Variants in GNB5 observed in about 807,000 individuals in gnomAD.
GNB5 encodes guanine nucleotide-binding protein subunit beta-5.
A neutral mutation model predicts 55.3 loss-of-function variants in GNB5; 37 were observed. That is an observed-to-expected ratio of 0.67 (90% CI 0.51 to 0.88). GNB5 has a LOEUF of 0.88. Ranked by LOEUF, GNB5 falls within the 40% of genes least tolerant of loss-of-function variation. The pLI is 0.00. For missense variants in GNB5, 476 were observed against 515.3 expected, an observed-to-expected ratio of 0.92 and a Z score of 0.74; for synonymous variants, 219 against 198.5, an observed-to-expected ratio of 1.10 and a Z score of -0.87.
chr15:52,122,406 G>C lies in GNB5; in HGVS notation c.*351C>G, dbSNP rs2033292691. The stretch of plus-strand genomic sequence containing the variant: ...CTTTAAAGTGCTCTGAAAATGAATT[G>C]ATTCAAAGAAATAATATGGAATATA... On this transcript the variant is annotated 3_prime_UTR_variant, in exon 13 of 13. Transcript: ENST00000261837. 4.3e-6 allele frequency: 1 copy of C among 230,678 alleles called. No homozygotes were observed. The highest frequency in any genetic ancestry group is 8.5e-6 in the Non-Finnish European group (1 of 118,198). 14.3% of individuals were successfully genotyped at this position (230,678 alleles called of 1,614,324 possible). A position where few individuals can be genotyped will look rare whatever the true frequency, so the allele number is the denominator to read the frequency against.
chr15:52,190,528 G>C (rs1178442013), intron 1 of GNB5, among the ~76,000 whole-genome samples: 1 of 152,106 alleles, frequency 6.6e-6, no homozygotes, highest in African/African-American at 2.4e-5. Flanking sequence ...AGTCATCATA[G>C]AAATACAAAG....
At chr15:52,137,408 G>A in intron 7 of GNB5, 3 of 1,029,610 alleles carry the variant, frequency 2.9e-6, no homozygotes, top group Non-Finnish European at 3.5e-6. Context: ...AACTCCAGGG[G>A]GGCCTATGTC....
Position 52,149,935 on chromosome 15 carries a change from G to A in GNB5, c.376-10C>T. The A allele has an allele frequency of 1.2e-6, 2 of 1,605,840 alleles. No individual in the cohort carries two copies. The highest frequency in any genetic ancestry group is 1.7e-6 in the Non-Finnish European group (2 of 1,172,464). Reference sequence around the variant, plus strand: ...CGATCACCTTCCCATCCTGGAGGGAGAAGAGCAAACAGTTTAGGGGTTGTC... The same window carrying A: ...CGATCACCTTCCCATCCTGGAGGGAAAAGAGCAAACAGTTTAGGGGTTGTC... On this transcript the variant is annotated splice_polypyrimidine_tract_variant and intron_variant, in intron 4 of 12. Transcript: ENST00000261837.
chr15:52,144,831 A>G (rs558483683), intron 6 of GNB5, among the ~76,000 whole-genome samples: 1 of 152,268 alleles, frequency 6.6e-6, no homozygotes, highest in South Asian at 2.1e-4. Context: ...ATGTATTACC[A>G]TACACCGTGG....
At chr15:52,159,387 C>G (rs1445855868) in intron 3 of GNB5, among the ~76,000 whole-genome samples, 1 of 152,172 alleles carries the variant, frequency 6.6e-6, no homozygotes, top group Non-Finnish European at 1.5e-5. Flanking sequence ...GCGGACACAC[C>G]ATCTGCCGCA....
At chr15:52,144,373 C>T (rs184723071) in intron 6 of GNB5, 1 of 152,338 alleles carries the variant, frequency 6.6e-6, no homozygotes, top group African/African-American at 2.4e-5. Context: ...TGGATATTGA[C>T]AGATTATGTA....
intron 1 of GNB5, among the ~76,000 whole-genome samples, chr15:52,190,115 A>T (rs2034898996): frequency 1.2e-5 from 1 of 84,516 alleles, no homozygotes; most frequent in African/African-American, 4.0e-5. Flanking sequence ...ATATCTCAAT[A>T]AATTTTTTTT....
In GNB5 at chr15:52,136,113, AACACAC is replaced by A. The variant is rs751263225; in HGVS notation, c.628-363_628-358del. ...CACACACACACAGGGAAAAGCAGAA[AACACAC>A]ACACACACACACACACACACACACA... On this transcript the variant is annotated intron_variant, in intron 7 of 12. Transcript: ENST00000261837. Among the ~76,000 whole-genome samples the A allele has an allele frequency of 8.8e-3, 445 of 50,722 alleles. 4 individuals carry two copies. Among genetic ancestry groups the A allele is most frequent in the Middle Eastern group, 0.017 (1 of 60 alleles). 33.3% of individuals were successfully genotyped at this position (50,722 alleles called of 152,430 possible). A position where few individuals can be genotyped will look rare whatever the true frequency, so the allele number is the denominator to read the frequency against.
chr15:52,143,266 G>A (rs1402022648), intron 6 of GNB5, among the ~76,000 whole-genome samples: 1 of 152,136 alleles, frequency 6.6e-6, no homozygotes, highest in African/African-American at 2.4e-5. Context: ...CCCTGAGCTG[G>A]GATACATCCT....
chr15:52,132,488 G>GT (rs75509196), intron 9 of GNB5, among the ~76,000 whole-genome samples: 6,235 of 134,004 alleles, frequency 0.047, 161 homozygotes, highest in Middle Eastern at 0.067. Context: ...GTTTGTTTGG[G>GT]TTTTTTTTTT....
At chr15:52,126,925 T>C (rs28703712) in intron 10 of GNB5, among the ~76,000 whole-genome samples, 32,215 of 151,972 alleles carry the variant, frequency 0.21, 5,049 homozygotes, top group African/African-American at 0.44. Context: ...GCCTCCTGAG[T>C]AGCTGGGATT....
intron 1 of GNB5, among the ~76,000 whole-genome samples, chr15:52,186,591 A>C (rs1443916986): frequency 1.3e-5 from 2 of 152,052 alleles, no homozygotes; most frequent in Non-Finnish European, 2.9e-5. Context: ...GTTAAGGGGG[A>C]AGGGAGCAGC....
intron 7 of GNB5, among the ~76,000 whole-genome samples, chr15:52,136,165 CACACA>C (rs1229200991): frequency 3.9e-4 from 48 of 123,170 alleles, no homozygotes; most frequent in African/African-American, 1.3e-3. Context: ...CACACACACA[CACACA>C]CACCCTACCT....
intron 3 of GNB5, among the ~76,000 whole-genome samples, chr15:52,170,934 TA>T (rs35962330): frequency 4.8e-5 from 7 of 147,260 alleles, no homozygotes; most frequent in East Asian, 2.0e-4. Flanking sequence ...GGCTAAACTA[TA>T]AAAAAAAAAT....
At chr15:52,148,481 T>G (rs766924403) in intron 5 of GNB5, among the ~76,000 whole-genome samples, 1 of 152,156 alleles carries the variant, frequency 6.6e-6, no homozygotes, top group Non-Finnish European at 1.5e-5. Flanking sequence ...CTGTGTGCGG[T>G]TGCACATCTT....
intron 7 of GNB5, chr15:52,137,494 G>T (rs2033751941): frequency 2.9e-6 from 3 of 1,018,864 alleles, no homozygotes; most frequent in Non-Finnish European, 3.5e-6. Context: ...GGAAGCTTCT[G>T]GGCAGGAGAA....
At position 52,117,453 on chromosome 15, in the gene GNB5, T is replaced by A. The variant is rs577588093; in HGVS notation, c.*5304A>T. On this transcript the variant is annotated 3_prime_UTR_variant, in exon 13 of 13. Transcript: ENST00000261837. ...AGTGCCGCCAAACACTAGACTCCTA[T>A]CTTGCTGCAAATTTGATTCCATTAA... The A allele has an allele frequency of 1.3e-5, 2 of 152,354 alleles. No individual in the cohort carries two copies. The highest frequency in any genetic ancestry group is 1.9e-4 in the East Asian group (1 of 5,172). 9.4% of individuals were successfully genotyped at this position (152,354 alleles called of 1,614,324 possible).
intron 3 of GNB5, among the ~76,000 whole-genome samples, chr15:52,174,934 T>C (rs1379634246): frequency 6.6e-6 from 1 of 151,956 alleles, no homozygotes; most frequent in African/African-American, 2.4e-5. Context: ...ATACAAAAAT[T>C]AGCTGGGCGA....
intron 3 of GNB5, among the ~76,000 whole-genome samples, chr15:52,176,642 G>A (rs1421510904): frequency 1.3e-5 from 2 of 152,184 alleles, no homozygotes; most frequent in African/African-American, 4.8e-5. Context: ...ATTAGGAGCT[G>A]GCAAGTGGCA....
Sources: allele counts gnomAD v4.1 joint callset (sites outside exome capture counted in the v4.1 genomes callset), GRCh38; gene constraint gnomAD v4.1.1; transcripts MANE v1.5; gene names NCBI Gene and HGNC (gene_info 2026-07-23, HGNC 2026-07-21).